Variants in DUSP15 observed in about 807,000 individuals in gnomAD.
The protein encoded by DUSP15 is dual specificity protein phosphatase 15.
Under a neutral mutation model 26.3 loss-of-function variants are expected in DUSP15, and 23 were observed. The ratio of observed to expected loss-of-function variants is 0.87; its 90% CI spans 0.63 to 1.24. The LOEUF is 1.24. Ranked by LOEUF, DUSP15 falls within the 50% of genes most tolerant of loss-of-function variation. The pLI is 0.00. For synonymous variants in DUSP15, 143 were observed against 135.5 expected (o/e 1.06, Z -0.39); for missense variants, 364 against 320.6 (o/e 1.14, Z -1.03).
In DUSP15 at chr20:31,862,647, G is replaced by A; in HGVS notation, c.359C>T (p.Ala120Val). Residue 120 changes from alanine to valine, a missense_variant, in exon 6 of 7, where the codon GCC becomes GTC. By Grantham distance (64) the Ala-to-Val change is moderately conservative. Coordinates refer to ENST00000339738, the MANE Select transcript of DUSP15 (RefSeq NM_080611.5). ...GWRDVLEAIK[A>V]TRPIANPNPG... ...GTTGGGGTTGGCGATGGGCCTGGTG[G>A]CCTTGATGGCTTCAAGCACGTCCCG... The A allele has an allele frequency of 6.2e-7, 1 of 1,614,130 alleles. No homozygotes were observed. Among genetic ancestry groups the A allele is most frequent in the South Asian group, 1.1e-5 (1 of 91,080 alleles).
Position 31,870,067 on chromosome 20 carries a change from G to A in DUSP15, c.21+250C>T. The A allele has an allele frequency of 7.9e-7, 1 of 1,263,446 alleles. No homozygotes were observed. Among genetic ancestry groups the A allele is most frequent in the Non-Finnish European group, 9.9e-7 (1 of 1,005,194 alleles). The allele number at this position is 1,263,446 out of a possible 1,614,324, so 78.3% of individuals were successfully genotyped here. A position where few individuals can be genotyped will look rare whatever the true frequency, so the allele number is the denominator to read the frequency against. ...ACTCACTGGGAGACAGCCTGGGAGT[G>A]ACAGCCACAGCAAGACAGCGAGAGA... is the stretch of plus-strand genomic sequence containing the variant. On this transcript the variant is annotated intron_variant, in intron 1 of 6. Transcript: ENST00000339738. This position sits in a 1 kb window ranked among gnomAD's most constrained non-coding sequence, Gnocchi z 6.6.
chr20:31,850,615 G>A (rs748122334), exon 7 of DUSP15: 5 of 1,611,036 alleles, frequency 3.1e-6, no homozygotes, highest in Non-Finnish European at 4.2e-6. Context: ...TCCTTACCAG[G>A]TTGCTGAAGT....
At chr20:31,850,622 A>G (rs2062453683) in exon 7 of DUSP15, 1 of 1,611,436 alleles carries the variant, frequency 6.2e-7, no homozygotes, top group African/African-American at 1.3e-5. Context: ...CAGGTTGCTG[A>G]AGTCATCGGA....
Position 31,861,415 on chromosome 20 carries a change from C to CT in DUSP15, c.695dup (p.Gly234ArgfsTer77), listed in dbSNP as rs2062646867. The CT allele has an allele frequency of 6.4e-7, 1 of 1,558,690 alleles. No individual in the cohort carries two copies. Among genetic ancestry groups the CT allele is most frequent in the Non-Finnish European group, 8.6e-7 (1 of 1,162,578 alleles). ...CTGGACTGCATCCTCACTTGCCGCC[C>CT]TTGCGGGACAGACACCGGGGGAGGC... On this transcript the variant is annotated frameshift_variant, in exon 7 of 7. Transcript: ENST00000339738. LOFTEE classifies it high-confidence loss of function.
chr20:31,861,265 A>C lies in DUSP15; in HGVS notation c.*138T>G, dbSNP rs2062642136. 7.3e-7 allele frequency: 1 copy of C among 1,362,000 alleles called. No individual in the cohort carries two copies. The highest frequency in any genetic ancestry group is 1.5e-5 in the African/African-American group (1 of 64,978). 84.4% of individuals were successfully genotyped at this position (1,362,000 alleles called of 1,614,324 possible). On this transcript the variant is annotated 3_prime_UTR_variant, in exon 7 of 7. Coordinates refer to ENST00000339738, the MANE Select transcript of DUSP15 (RefSeq NM_080611.5). Reference sequence around the variant, plus strand: ...ACGCTGACTGCAGACGCGGACGAGCAGGGCGGGCGCGGGAGGCAGGGTTCA... The same window carrying C: ...ACGCTGACTGCAGACGCGGACGAGCCGGGCGGGCGCGGGAGGCAGGGTTCA...
intron 7 of DUSP15, chr20:31,850,515 G>T: frequency 7.9e-7 from 1 of 1,271,548 alleles, no homozygotes; most frequent in Non-Finnish European, 1.1e-6. Flanking sequence ...GCCTGGGCTG[G>T]GTGCTTTGGG....
intron 6 of DUSP15, 63 bp from the exon 7 acceptor site, chr20:31,861,738 G>GGGGCGC: frequency 7.7e-7 from 1 of 1,290,714 alleles, no homozygotes; most frequent in Non-Finnish European, 1.0e-6. Context: ...AAGGCAGCCG[G>GGGGCGC]CCCCGCCCCC....
chr20:31,848,576 G>C, intron 9 of DUSP15: 1 of 1,560,336 alleles, frequency 6.4e-7, no homozygotes, highest in Non-Finnish European at 8.7e-7. Flanking sequence ...CTGCGGGGGC[G>C]GGTGGGGCGA....
chr20:31,868,476 C>CTTTTTTTTTTTT (rs35862553), intron 2 of DUSP15, among the ~76,000 whole-genome samples: 1 of 97,330 alleles, frequency 1.0e-5, no homozygotes. Context: ...TTTTCTTTCT[C>CTTTTTTTTTTTT]TTTTTTTTTT....
downstream of DUSP15, among the ~76,000 whole-genome samples, chr20:31,858,887 C>T (rs1204051165): frequency 2.6e-5 from 4 of 152,200 alleles, no homozygotes; most frequent in Non-Finnish European, 5.9e-5. The surrounding 1 kb of genome is among the most constrained non-coding windows in gnomAD (Gnocchi z 4.4). Context: ...GCCCAGGAAA[C>T]CCACATTGTA....
chr20:31,848,952 C>G (rs779226099), intron 8 of DUSP15: 2 of 1,502,952 alleles, frequency 1.3e-6, no homozygotes, highest in African/African-American at 1.4e-5. Flanking sequence ...AGGGACTGGG[C>G]AAGAACTAGG....
downstream of DUSP15, among the ~76,000 whole-genome samples, chr20:31,856,283 G>A (rs1011184853): frequency 5.3e-5 from 8 of 152,196 alleles, no homozygotes; most frequent in African/African-American, 1.9e-4. Flanking sequence ...GACAGATGAG[G>A]CCAGGGAGGG....
At chr20:31,863,561 C>A in intron 5 of DUSP15, 1 of 242,254 alleles carries the variant, frequency 4.1e-6, no homozygotes. Flanking sequence ...ACCTCCAAGG[C>A]CTGGAGGGGA....
At chr20:31,869,728 C>T (rs2062876557) in intron 1 of DUSP15, 131 bp from the exon 2 acceptor site, 1 of 1,514,564 alleles carries the variant, frequency 6.6e-7, no homozygotes, top group African/African-American at 1.4e-5. Context: ...GGAGCACTCT[C>T]TTCCCTTTTG....
intron 6 of DUSP15, 66 bp downstream of exon 6, chr20:31,862,505 A>G (rs1319185418): frequency 2.0e-6 from 3 of 1,491,260 alleles, no homozygotes; most frequent in South Asian, 1.4e-5. Flanking sequence ...CCAATCAGTG[A>G]TCAGTTCGAG....
chr20:31,848,382 G>GC (rs745474612), exon 10 of DUSP15: 3 of 1,606,628 alleles, frequency 1.9e-6, no homozygotes, highest in South Asian at 1.1e-5. Flanking sequence ...GGAGTAGGGA[G>GC]CCCCCCTGTT....
rs778886349 is a variant in DUSP15, at chr20:31,862,646, G to A, written c.360C>T (p.Ala120=). The A allele has an allele frequency of 1.2e-6, 2 of 1,614,130 alleles. No homozygotes were observed. Among genetic ancestry groups the A allele is most frequent in the Non-Finnish European group, 1.7e-6 (2 of 1,180,018 alleles). Residue 120 remains alanine (A), a synonymous_variant, in exon 6 of 7, where the codon GCC becomes GCT. Transcript: ENST00000339738. ...GWRDVLEAIK[A]TRPIANPNPG... Reference sequence around the variant, plus strand: ...GGTTGGGGTTGGCGATGGGCCTGGTGGCCTTGATGGCTTCAAGCACGTCCC... The same window carrying A: ...GGTTGGGGTTGGCGATGGGCCTGGTAGCCTTGATGGCTTCAAGCACGTCCC...
At chr20:31,861,988 GGGTAACTCCTCCCACTTTGCACC>G (rs1332027761) in intron 6 of DUSP15, among the ~76,000 whole-genome samples, 2 of 146,122 alleles carry the variant, frequency 1.4e-5, no homozygotes, top group African/African-American at 5.6e-5. Context: ...TTGCACTTCT[GGGTAACTCCTCCCACTTTGCACC>G]TCTGTGCTCA....
At chr20:31,852,113 T>C (rs998125681) in intron 6 of DUSP15, among the ~76,000 whole-genome samples, 3 of 152,080 alleles carry the variant, frequency 2.0e-5, no homozygotes, top group African/African-American at 7.2e-5. Flanking sequence ...GTTCAAGTGA[T>C]TCTCCCGCCT....
Sources: gnomAD v4.1 joint callset for allele counts (sites outside exome capture counted in the v4.1 genomes callset) on GRCh38, gnomAD v4.1.1 for gene constraint, Gnocchi (gnomAD v3.1) non-coding constraint, MANE v1.5 for transcripts, NCBI Gene and HGNC (gene_info 2026-07-23, HGNC 2026-07-21) for gene names.